Variants in HIP1 observed in about 807,000 individuals in gnomAD.
The protein encoded by HIP1 is huntingtin interacting protein 1, also known as huntingtin-interacting protein 1.
A neutral mutation model predicts 147.6 loss-of-function variants in HIP1; 65 were observed. The observed-to-expected ratio is 0.44, with a 90% CI of 0.36 to 0.54. The LOEUF is 0.54. Ranked by LOEUF, HIP1 falls within the 20% of genes least tolerant of loss-of-function variation. HIP1 has a pLI of 0.00. For synonymous variants in HIP1, 479 were observed against 504.0 expected, an observed-to-expected ratio of 0.95 and a Z score of 0.67; for missense variants, 1,061 against 1,299.6, an observed-to-expected ratio of 0.82 and a Z score of 2.82.
Position 75,534,943 on chromosome 7 carries a change from AT to A in HIP1, c.*3228del. On this transcript the variant is annotated 3_prime_UTR_variant, in exon 31 of 31. Coordinates refer to ENST00000336926, the MANE Select transcript of HIP1 (RefSeq NM_005338.7). ...ACTCATTTAGAAGGCTTGCAGGTTC[AT>A]TTTTAGCTTTAAGATGTGATTCCCG... The A allele has an allele frequency of 4.8e-6, 1 of 206,660 alleles. No individual in the cohort carries two copies. The highest frequency in any genetic ancestry group is 9.9e-6 in the Non-Finnish European group (1 of 101,302). 12.8% of individuals were successfully genotyped at this position (206,660 alleles called of 1,614,324 possible).
At chr7:75,648,615 A>C (rs782051298) in intron 1 of HIP1, among the ~76,000 whole-genome samples, 1 of 152,124 alleles carries the variant, frequency 6.6e-6, no homozygotes, top group Non-Finnish European at 1.5e-5. Flanking sequence ...GAACCTTTCC[A>C]TTCTGCATGA....
At chr7:75,725,262 G>C (rs1278733082) in intron 1 of HIP1, among the ~76,000 whole-genome samples, 1 of 152,140 alleles carries the variant, frequency 6.6e-6, no homozygotes, top group Non-Finnish European at 1.5e-5. Context: ...CTGGCCTCAA[G>C]TGATCCTCTC....
At chr7:75,690,707 A>G (rs1207069299) in intron 1 of HIP1, among the ~76,000 whole-genome samples, 1 of 152,094 alleles carries the variant, frequency 6.6e-6, no homozygotes, top group Non-Finnish European at 1.5e-5. Context: ...TACTAAAAAT[A>G]CAAAATTAGC....
Position 75,548,992 on chromosome 7 carries a change from G to A in HIP1, c.2305C>T (p.Pro769Ser), listed in dbSNP as rs1465518628. ...KIKAIGEELL[P>S]RGLDIKQEEL... ...TCCTGCTTGATGTCCAGTCCCCTGG[G>A]CAGGAGCTCCTGTGAACACATCACA... The change falls in exon 23 of 31, where the codon CCC (proline) becomes TCC (serine). Residue 769 changes from proline (P) to serine (S), a missense_variant. Physicochemically the swap from Pro to Ser is moderately conservative, Grantham distance 74. Around this residue, in one of 3 missense-constraint regions of HIP1, gnomAD observed 810 missense variants for 946.8 expected, o/e 0.86. Transcript: ENST00000336926. 1.9e-6 allele frequency: 3 copies of A among 1,612,144 alleles called. No homozygotes were observed. The African/African-American group carries it at 4.0e-5, about 22-fold the overall frequency.
At chr7:75,619,661 T>C (rs77936510) in intron 1 of HIP1, among the ~76,000 whole-genome samples, 30,232 of 152,022 alleles carry the variant, frequency 0.2, 3,757 homozygotes, top group Non-Finnish European at 0.28. Context: ...TTCTGGAAAA[T>C]GTGAATTGCC....
At chr7:75,622,758 C>T (rs1797885655) in intron 1 of HIP1, among the ~76,000 whole-genome samples, 1 of 150,606 alleles carries the variant, frequency 6.6e-6, no homozygotes, top group African/African-American at 2.4e-5. Context: ...CAAGAGGACA[C>T]TTTGAGCCCA....
rs1554491143 is a variant in HIP1, at chr7:75,546,928, C to T, written c.2559+11G>A. ...CTCCTCTTCCTGCCCAGGGCCCACA[C>T]CCACGCTCACCCTGCCGCTCTCCAC... On this transcript the variant is annotated intron_variant, in intron 25 of 30. Coordinates refer to ENST00000336926, the MANE Select transcript of HIP1 (RefSeq NM_005338.7). 3.2e-6 allele frequency: 5 copies of T among 1,552,928 alleles called. No homozygotes were observed. Among genetic ancestry groups the T allele is most frequent in the Non-Finnish European group, 4.4e-6 (5 of 1,145,542 alleles).
At position 75,634,701 on chromosome 7, in the gene HIP1, G is replaced by A. The variant is rs587724509; in HGVS notation, c.121-35454C>T. 1.5e-4 allele frequency among the ~76,000 whole-genome samples: 23 copies of A among 152,188 alleles called. No homozygotes were observed. The South Asian group carries it at 2.7e-3, about 18-fold the overall frequency. Reference sequence around the variant, plus strand: ...AGCACTTTGGGATGCTGAGGCAGGAGGATCACTTGAGGCCAGGAGTTCAAA... The same window carrying A: ...AGCACTTTGGGATGCTGAGGCAGGAAGATCACTTGAGGCCAGGAGTTCAAA... On this transcript the variant is annotated intron_variant, in intron 1 of 30. Coordinates refer to ENST00000336926, the MANE Select transcript of HIP1 (RefSeq NM_005338.7).
intron 2 of HIP1, among the ~76,000 whole-genome samples, chr7:75,594,351 C>T (rs1189643452): frequency 2.0e-5 from 3 of 151,742 alleles, no homozygotes; most frequent in South Asian, 4.2e-4. Flanking sequence ...CCTGCCTGGC[C>T]CTGTTCAGGG....
intron 1 of HIP1, among the ~76,000 whole-genome samples, chr7:75,645,249 G>A (rs534665888): frequency 6.6e-5 from 10 of 151,502 alleles, no homozygotes; most frequent in Admixed American, 1.3e-4. Flanking sequence ...TTTTTGAGAC[G>A]AAGTTTCACT....
At chr7:75,553,681 C>T in intron 21 of HIP1, 92 bp from the exon 22 acceptor site, 1 of 1,200,554 alleles carries the variant, frequency 8.3e-7, no homozygotes, top group Non-Finnish European at 1.2e-6. Context: ...TCTCGGCTCA[C>T]TGCAAACTCC....
chr7:75,705,546 C>T (rs367801889), intron 1 of HIP1, among the ~76,000 whole-genome samples: 2 of 151,510 alleles, frequency 1.3e-5, no homozygotes, highest in Middle Eastern at 3.2e-3. Context: ...TTTTTGTTAG[C>T]GATGAGGTTT....
chr7:75,637,737 G>A (rs1441495002), intron 1 of HIP1, among the ~76,000 whole-genome samples: 1 of 151,280 alleles, frequency 6.6e-6, no homozygotes, highest in Non-Finnish European at 1.5e-5. Flanking sequence ...CCCAACCCCA[G>A]GGGCAATGCT....
At chr7:75,695,336 G>A (rs2117309447) in intron 1 of HIP1, among the ~76,000 whole-genome samples, 1 of 152,268 alleles carries the variant, frequency 6.6e-6, no homozygotes, top group South Asian at 2.1e-4. Context: ...GATGGGAAGT[G>A]GATGCCAGAT....
At chr7:75,616,233 T>C (rs1307675841) in intron 1 of HIP1, among the ~76,000 whole-genome samples, 4 of 151,962 alleles carry the variant, frequency 2.6e-5, no homozygotes, top group Non-Finnish European at 5.9e-5. Context: ...AAACCTGGCC[T>C]CAGCCTGCTT....
At chr7:75,692,731 C>T (rs552863897) in intron 1 of HIP1, among the ~76,000 whole-genome samples, 12 of 152,014 alleles carry the variant, frequency 7.9e-5, no homozygotes, top group Non-Finnish European at 1.5e-4. Flanking sequence ...CGCCCAGACA[C>T]TTTATTAATT....
intron 1 of HIP1, among the ~76,000 whole-genome samples, chr7:75,622,893 C>A (rs201890126): frequency 9.6e-4 from 117 of 122,132 alleles, no homozygotes; most frequent in African/African-American, 3.6e-3. Context: ...ATCTATCTAT[C>A]TATATATTTT....
At chr7:75,691,166 C>T (rs1554518112) in intron 1 of HIP1, among the ~76,000 whole-genome samples, 1 of 152,104 alleles carries the variant, frequency 6.6e-6, no homozygotes, top group Non-Finnish European at 1.5e-5. Flanking sequence ...CACAAAAGGT[C>T]ACACGTGTGT....
intron 16 of HIP1, among the ~76,000 whole-genome samples, chr7:75,557,019 A>ATTAT (rs3041772): frequency 0.37 from 53,750 of 145,252 alleles, 11,013 homozygotes; most frequent in Non-Finnish European, 0.44. Context: ...AGGATTTTTT[A>ATTAT]TTATTTATTT....
Sources: allele counts gnomAD v4.1 joint callset (sites outside exome capture counted in the v4.1 genomes callset), GRCh38; gene constraint gnomAD v4.1.1; regional missense constraint gnomAD v4.1.1; transcripts MANE v1.5; gene names NCBI Gene and HGNC (gene_info 2026-07-23, HGNC 2026-07-21).